The following PLEKHA6 variants were observed in gnomAD, a reference collection of about 807,000 sequenced individuals.
The protein encoded by PLEKHA6 is pleckstrin homology domain containing A6.
In PLEKHA6, 60 loss-of-function variants were observed where a neutral mutation model predicts 116.7. That is an observed-to-expected ratio of 0.51 (90% confidence interval 0.42 to 0.64). The LOEUF is 0.64. PLEKHA6 is among the 30% of genes least tolerant of loss of function. The probability of loss-of-function intolerance (pLI) is 0.00; values close to 1 mark genes in which losing one functional copy is unlikely to be tolerated. For missense variants in PLEKHA6, 1,338 were observed against 1,422.7 expected, an observed-to-expected ratio of 0.94 and a Z score of 0.96; for synonymous variants, 489 against 556.1, an observed-to-expected ratio of 0.88 and a Z score of 1.70.
intron 1 of PLEKHA6, chr1:204,301,284 C>T (rs1558160406): frequency 1.0e-6 from 1 of 975,276 alleles, no homozygotes; most frequent in Non-Finnish European, 1.2e-6. Flanking sequence ...GCACTTGCCT[C>T]ATCACCAGTC....
At chr1:204,372,712 A>G (rs1673798722) in intron 1 of PLEKHA6, among the ~76,000 whole-genome samples, 1 of 152,020 alleles carries the variant, frequency 6.6e-6, no homozygotes, top group African/African-American at 2.4e-5. Flanking sequence ...TGAATTCCCA[A>G]ACTTTCTGTG....
At chr1:204,265,094 T>C (rs4076020) in intron 5 of PLEKHA6, 52 bp from the exon 6 acceptor site, 881,522 of 1,286,468 alleles carry the variant, frequency 0.69, 303,481 homozygotes, top group East Asian at 0.82. Context: ...TGCAAGCGTG[T>C]GCGTGCGCCA....
Position 204,259,008 on chromosome 1 carries a change from A to G in PLEKHA6, c.1007+250T>C, listed in dbSNP as rs61493443. Among the ~76,000 whole-genome samples the G allele has an allele frequency of 5.1e-3, 772 of 152,218 alleles. 2 individuals are homozygous for G. Among genetic ancestry groups the G allele is most frequent in the Middle Eastern group, 0.014 (4 of 294 alleles). ...GCACGCCGTGGAGAGGCACTGGGGCACTCTGTCCCTTCTTCTGAAGGAAGC... is the reference window on the plus strand; with the variant it reads ...GCACGCCGTGGAGAGGCACTGGGGCGCTCTGTCCCTTCTTCTGAAGGAAGC... On this transcript the variant is annotated intron_variant, in intron 8 of 22. Coordinates refer to ENST00000272203, the MANE Select transcript of PLEKHA6 (RefSeq NM_014935.5). The surrounding 1 kb of genome is among the most constrained non-coding windows in gnomAD (Gnocchi z 4.6).
intron 17 of PLEKHA6, among the ~76,000 whole-genome samples, chr1:204,235,831 A>G (rs2102495590): frequency 6.6e-6 from 1 of 152,298 alleles, no homozygotes; most frequent in East Asian, 1.9e-4. Flanking sequence ...CCATGCTGCC[A>G]TCAGCCTTTC....
At chr1:204,245,298 AG>A (rs1404215081) in intron 14 of PLEKHA6, among the ~76,000 whole-genome samples, 1 of 151,926 alleles carries the variant, frequency 6.6e-6, no homozygotes, top group Non-Finnish European at 1.5e-5. Context: ...GAAAACTCTA[AG>A]GTAGGGGTCA....
chr1:204,241,570 C>T (rs1164417605), intron 16 of PLEKHA6, 89 bp from the exon 17 acceptor site: 1 of 1,411,796 alleles, frequency 7.1e-7, no homozygotes, highest in Non-Finnish European at 9.6e-7. Context: ...CCCCACTCTC[C>T]ACCGAGATTA....
chr1:204,342,746 T>C (rs1672892431), intron 1 of PLEKHA6, among the ~76,000 whole-genome samples: 1 of 152,182 alleles, frequency 6.6e-6, no homozygotes, highest in Non-Finnish European at 1.5e-5. Context: ...GCCTGGGAAC[T>C]TGGAGAAGCA....
At chr1:204,361,692 G>A (rs1673563856), upstream of PLEKHA6, among the ~76,000 whole-genome samples, 1 of 152,266 alleles carries the variant, frequency 6.6e-6, no homozygotes, top group Admixed American at 6.5e-5. Context: ...CCAGTGCCAG[G>A]CAGGACCGAT....
At chr1:204,311,514 C>T (rs1671658055) in intron 1 of PLEKHA6, 1 of 625,090 alleles carries the variant, frequency 1.6e-6, no homozygotes, top group Non-Finnish European at 2.0e-6. Flanking sequence ...AGTTATTCTG[C>T]TTCTACTCAT....
chr1:204,268,144 G>C, intron 4 of PLEKHA6, 64 bp downstream of exon 4: 1 of 1,038,346 alleles, frequency 9.6e-7, no homozygotes, highest in Non-Finnish European at 1.5e-6. Flanking sequence ...TAAGCACAGA[G>C]GAATCCTTAT....
At chr1:204,256,584 G>A (rs1484034339) in intron 9 of PLEKHA6, among the ~76,000 whole-genome samples, 2 of 152,146 alleles carry the variant, frequency 1.3e-5, no homozygotes, top group Non-Finnish European at 2.9e-5. Context: ...CCTCCTCCAC[G>A]GGCTGTGTCA....
At chr1:204,320,493 T>C in intron 1 of PLEKHA6, 1 of 983,560 alleles carries the variant, frequency 1.0e-6, no homozygotes, top group African/African-American at 1.7e-5. Context: ...GAAGGCTTGG[T>C]GCCTGCATGA....
chr1:204,334,136 A>T (rs1336421432), intron 1 of PLEKHA6, among the ~76,000 whole-genome samples: 1 of 152,218 alleles, frequency 6.6e-6, no homozygotes, highest in African/African-American at 2.4e-5. Context: ...CAGTAAGGAC[A>T]GATATGCTTC....
In PLEKHA6 at chr1:204,241,714, T is replaced by C; in HGVS notation, c.2273A>G (p.Glu758Gly). Residue 758 changes from glutamate (E) to glycine (G), a missense_variant, in exon 16 of 23, where the codon GAG (glutamate) becomes GGG (glycine). Physicochemically the swap from Glu to Gly is moderately conservative, Grantham distance 98. This residue lies in a region of PLEKHA6 where 1,136 missense variants were observed against 1,163.6 expected (regional missense o/e 0.98). Coordinates refer to ENST00000272203, the MANE Select transcript of PLEKHA6 (RefSeq NM_014935.5). Reference protein sequence around the residue: ...ISLVPTRQEVEAEKQAALNKV... With the variant: ...ISLVPTRQEVGAEKQAALNKV... ...GTTGAGAGCTGCCTGCTTCTCTGCC[T>C]CTACCTCTTGCCTGGTGGGCACAAG... 6.2e-7 allele frequency: 1 copy of C among 1,608,906 alleles called. No individual in the cohort carries two copies. Among genetic ancestry groups the C allele is most frequent in the Non-Finnish European group, 8.5e-7 (1 of 1,178,300 alleles).
chr1:204,296,880 C>T (rs1171123990), intron 1 of PLEKHA6, among the ~76,000 whole-genome samples: 2 of 152,168 alleles, frequency 1.3e-5, no homozygotes, highest in African/African-American at 4.8e-5. Flanking sequence ...CTGCAGAGAG[C>T]GTGGACGGAA....
Position 204,356,926 on chromosome 1 carries a change from G to T in PLEKHA6, c.-95+2768C>A, listed in dbSNP as rs527879831. On this transcript the variant is annotated intron_variant, in intron 1 of 22. Coordinates refer to ENST00000272203, the MANE Select transcript of PLEKHA6 (RefSeq NM_014935.5). ...TTTATCCTAAGTCACCCAAAACACA[G>T]AAAGAGCCTTATGAACAAAAATGTT... 9.2e-5 allele frequency among the ~76,000 whole-genome samples: 14 copies of T among 152,264 alleles called. No homozygotes were observed. The South Asian group carries it at 2.9e-3, about 32-fold the overall frequency.
At chr1:204,347,715 G>A (rs562654810) in intron 1 of PLEKHA6, among the ~76,000 whole-genome samples, 3 of 152,192 alleles carry the variant, frequency 2.0e-5, no homozygotes, top group East Asian at 3.9e-4. Flanking sequence ...CACAAACCAC[G>A]TTCTTCTGCC....
Position 204,245,055 on chromosome 1 carries a change from T to C in PLEKHA6, c.2033-52A>G, listed in dbSNP as rs1425228083. ...GCAATGGAGGAGGGGTGCGGCCTGG[T>C]GGGTAGATGGGCACTGTGAGTGGAG... On this transcript the variant is annotated intron_variant, in intron 14 of 22. Transcript: ENST00000272203. 6 of 1,268,890 alleles carry C rather than the reference T, an allele frequency of 4.7e-6. No individual in the cohort carries two copies. The South Asian group carries it at 1.1e-4, about 23-fold the overall frequency. 78.6% of individuals were successfully genotyped at this position (1,268,890 alleles called of 1,614,324 possible).
At chr1:204,262,657 A>T (rs549204189) in intron 6 of PLEKHA6, among the ~76,000 whole-genome samples, 161 of 152,194 alleles carry the variant, frequency 1.1e-3, no homozygotes, top group African/African-American at 3.8e-3. Context: ...TAAATGCTCA[A>T]AAGATTCCTC....
Sources: gnomAD v4.1 joint callset for allele counts (sites outside exome capture counted in the v4.1 genomes callset) on GRCh38, gnomAD v4.1.1 for gene constraint, gnomAD v4.1.1 regional missense constraint, Gnocchi (gnomAD v3.1) non-coding constraint, MANE v1.5 for transcripts, NCBI Gene and HGNC (gene_info 2026-07-23, HGNC 2026-07-21) for gene names.